SAMD12: variants seen among roughly 807,000 people sequenced by gnomAD.
SAMD12 encodes sterile alpha motif domain-containing protein 12.
A neutral mutation model predicts 15.0 loss-of-function variants in SAMD12; 9 were observed. That is an observed-to-expected ratio of 0.60 (90% CI 0.36 to 1.05). SAMD12 has a LOEUF of 1.05. Ranked by LOEUF, SAMD12 falls within the 50% of genes least tolerant of loss-of-function variation. The probability of loss-of-function intolerance (pLI) is 0.01; values close to 1 mark genes in which losing one functional copy is unlikely to be tolerated. For synonymous variants in SAMD12, 86 were observed against 90.1 expected (o/e 0.96, Z 0.25); for missense variants, 230 against 234.2 (o/e 0.98, Z 0.12).
chr8:118,543,507 T>A (rs1250922889), intron 2 of SAMD12, among the ~76,000 whole-genome samples: 2 of 152,300 alleles, frequency 1.3e-5, no homozygotes, highest in East Asian at 3.9e-4. Flanking sequence ...GTCCACATCC[T>A]ATGGCAAGCT....
chr8:118,171,564 G>A, the SAMD12 span, among the ~76,000 whole-genome samples: 1 of 152,082 alleles, frequency 6.6e-6, no homozygotes, highest in African/African-American at 2.4e-5. Context: ...AACATGCTAG[G>A]TGAAATAAGT....
At chr8:118,451,559 A>C (rs565013618) in intron 2 of SAMD12, among the ~76,000 whole-genome samples, 6 of 140,334 alleles carry the variant, frequency 4.3e-5, no homozygotes, top group African/African-American at 1.9e-4. Flanking sequence ...CAAATCAAAT[A>C]ATCAAAAGTC....
At chr8:118,387,072 C>A (rs557528128) in intron 3 of SAMD12, among the ~76,000 whole-genome samples, 2 of 152,238 alleles carry the variant, frequency 1.3e-5, no homozygotes. Context: ...CAAGCAAATG[C>A]CTGTTGCTCC....
At chr8:118,617,631 T>C (rs1354156891) in intron 1 of SAMD12, among the ~76,000 whole-genome samples, 3 of 152,140 alleles carry the variant, frequency 2.0e-5, no homozygotes. Flanking sequence ...CCATGTACAA[T>C]GTCCATCCTC....
At chr8:118,461,666 C>T (rs1823427415) in intron 2 of SAMD12, among the ~76,000 whole-genome samples, 1 of 152,100 alleles carries the variant, frequency 6.6e-6, no homozygotes, top group African/African-American at 2.4e-5. Flanking sequence ...TAAGTTTTAG[C>T]TATATTTTAT....
At chr8:118,181,107 G>C in the SAMD12 span, among the ~76,000 whole-genome samples, 1 of 151,988 alleles carries the variant, frequency 6.6e-6, no homozygotes, top group African/African-American at 2.4e-5. Flanking sequence ...GGCTGGACTT[G>C]AACAACCTTG....
At chr8:118,582,196 C>A (rs1394841834) in intron 1 of SAMD12, among the ~76,000 whole-genome samples, 1 of 152,132 alleles carries the variant, frequency 6.6e-6, no homozygotes, top group Non-Finnish European at 1.5e-5. Context: ...CCTATGTTCC[C>A]AATCAACATT....
the SAMD12 span, among the ~76,000 whole-genome samples, chr8:118,183,833 C>T: frequency 1.3e-5 from 2 of 152,126 alleles, no homozygotes; most frequent in African/African-American, 4.8e-5. Flanking sequence ...CTCTCCCACC[C>T]TCCCGCCTTC....
chr8:118,155,609 G>A, the SAMD12 span, among the ~76,000 whole-genome samples: 1 of 152,306 alleles, frequency 6.6e-6, no homozygotes, highest in East Asian at 1.9e-4. Flanking sequence ...CAAGGAAGGA[G>A]AACGCTAGGG....
Position 118,212,434 on chromosome 8 carries a change from G to A in SAMD12, c.434-14702C>T, listed in dbSNP as rs538983934. 3.9e-5 allele frequency among the ~76,000 whole-genome samples: 6 copies of A among 152,230 alleles called. No individual in the cohort carries two copies. The East Asian group carries it at 1.2e-3, about 29-fold the overall frequency. ...TGTGGCTTAAAGATTTCTTTAATCTGCTCTAAAGAACTTGACAATTTCTAT... is the reference window on the plus strand; with the variant it reads ...TGTGGCTTAAAGATTTCTTTAATCTACTCTAAAGAACTTGACAATTTCTAT... On this transcript the variant is annotated intron_variant, in intron 4 of 4. Coordinates refer to the SAMD12 transcript ENST00000409003.
At chr8:118,259,758 A>T (rs1813033544) in intron 4 of SAMD12, among the ~76,000 whole-genome samples, 1 of 152,078 alleles carries the variant, frequency 6.6e-6, no homozygotes, top group Admixed American at 6.6e-5. Flanking sequence ...AGGCTAAATG[A>T]TGTTTCCAGT....
At chr8:118,401,138 C>CA (rs1184411663) in intron 3 of SAMD12, among the ~76,000 whole-genome samples, 2 of 152,132 alleles carry the variant, frequency 1.3e-5, no homozygotes, top group Non-Finnish European at 2.9e-5. Context: ...TTTCCAGTGC[C>CA]AAATCATCCC....
At chr8:118,132,080 A>G in the SAMD12 span, among the ~76,000 whole-genome samples, 1 of 152,170 alleles carries the variant, frequency 6.6e-6, no homozygotes, top group Non-Finnish European at 1.5e-5. Flanking sequence ...ATATCTTTGT[A>G]TTTTTAAATA....
At chr8:118,487,452 T>C (rs1437029266) in intron 2 of SAMD12, among the ~76,000 whole-genome samples, 1 of 152,140 alleles carries the variant, frequency 6.6e-6, no homozygotes, top group African/African-American at 2.4e-5. Context: ...CCCCTAGTCA[T>C]ATAAGGTTTA....
intron 3 of SAMD12, among the ~76,000 whole-genome samples, chr8:118,402,976 T>C (rs572317149): frequency 2.1e-4 from 32 of 152,304 alleles, no homozygotes; most frequent in Admixed American, 1.8e-3. Flanking sequence ...CATAGTGAAG[T>C]TGGGTAAAAA....
chr8:118,462,520 C>A (rs1304913229), intron 2 of SAMD12, among the ~76,000 whole-genome samples: 1 of 152,078 alleles, frequency 6.6e-6, no homozygotes, highest in African/African-American at 2.4e-5. Flanking sequence ...AGGAAATAAG[C>A]AGAATGTTTG....
chr8:118,163,748 G>A, the SAMD12 span, among the ~76,000 whole-genome samples: 6 of 152,138 alleles, frequency 3.9e-5, no homozygotes, highest in African/African-American at 7.2e-5. Context: ...GGTGGCGGGC[G>A]CCTGTAGTCC....
chr8:118,548,863 C>T (rs200968021), intron 2 of SAMD12, among the ~76,000 whole-genome samples: 1 of 152,242 alleles, frequency 6.6e-6, no homozygotes, highest in Non-Finnish European at 1.5e-5. Context: ...AAATGGTGCA[C>T]CACGAGATTA....
chr8:118,446,039 G>A (rs531310679), intron 2 of SAMD12, among the ~76,000 whole-genome samples: 1 of 152,136 alleles, frequency 6.6e-6, no homozygotes, highest in African/African-American at 2.4e-5. Context: ...ACAGGTGTCA[G>A]TTCATCATTT....
Sources: allele counts gnomAD v4.1 joint callset (sites outside exome capture counted in the v4.1 genomes callset), GRCh38; gene constraint gnomAD v4.1.1; transcripts MANE v1.5; gene names NCBI Gene and HGNC (gene_info 2026-07-23, HGNC 2026-07-21).